Variants in SATL1 observed in about 807,000 individuals in gnomAD.
The protein encoded by SATL1 is spermidine/spermine N(1)-acetyltransferase-like protein 1.
A neutral mutation model predicts 51.8 loss-of-function variants in SATL1; 47 were observed. The observed-to-expected ratio is 0.91, with a 90% CI of 0.72 to 1.16. The LOEUF is 1.16. SATL1 is among the 50% of genes most tolerant of loss of function. The pLI is 0.00. For missense variants in SATL1, 520 were observed against 526.4 expected (o/e 0.99, Z 0.12); for synonymous variants, 176 against 182.4 (o/e 0.97, Z 0.28).
chrX:85,092,923 TCC>T (rs1924572682), intron 7 of SATL1: 1 of 326,125 alleles, frequency 3.1e-6, no homozygotes. Flanking sequence ...CTTTCTAATC[TCC>T]CTCCTTCTTA....
intron 2 of SATL1, among the ~76,000 whole-genome samples, chrX:85,124,972 T>C (rs993485256): frequency 1.8e-5 from 2 of 109,946 alleles, no homozygotes; most frequent in Non-Finnish European, 3.8e-5. Context: ...AGAAAGGTTT[T>C]TAAGGACACT....
At chrX:85,159,721 A>G (rs1422150835) in intron 2 of SATL1, among the ~76,000 whole-genome samples, 2 of 111,454 alleles carry the variant, frequency 1.8e-5, no homozygotes, top group Non-Finnish European at 3.8e-5. Context: ...ACACAACTGC[A>G]TGCAGTTGCT....
At chrX:85,199,094 C>T (rs1602906521) in intron 2 of SATL1, among the ~76,000 whole-genome samples, 4 of 110,396 alleles carry the variant, frequency 3.6e-5, no homozygotes, top group African/African-American at 1.3e-4. Flanking sequence ...CCGCCTCAGC[C>T]TCCCAAAGTG....
intron 2 of SATL1, among the ~76,000 whole-genome samples, chrX:85,139,002 C>T (rs1926038943): frequency 9.0e-6 from 1 of 111,350 alleles, no homozygotes. Context: ...TACTATTATT[C>T]CTTTCAGTAC....
At chrX:85,131,506 TC>T (rs1925800266) in intron 2 of SATL1, among the ~76,000 whole-genome samples, 1 of 110,591 alleles carries the variant, frequency 9.0e-6, no homozygotes. Context: ...GCTTGGTAGA[TC>T]TTCCTCCATC....
intron 2 of SATL1, among the ~76,000 whole-genome samples, chrX:85,213,307 A>G (rs1927967462): frequency 8.9e-6 from 1 of 112,041 alleles, no homozygotes; most frequent in Non-Finnish European, 1.9e-5. Context: ...ACATTGCTCA[A>G]GGTAATGTTG....
At chrX:85,202,479 C>G (rs959000580) in intron 2 of SATL1, among the ~76,000 whole-genome samples, 1 of 111,667 alleles carries the variant, frequency 9.0e-6, no homozygotes, top group Non-Finnish European at 1.9e-5. Flanking sequence ...GTGGGTTCCT[C>G]TCCCTCTTGA....
chrX:85,168,220 A>C (rs2147732916), intron 2 of SATL1, among the ~76,000 whole-genome samples: 1 of 111,336 alleles, frequency 9.0e-6, no homozygotes, highest in Non-Finnish European at 1.9e-5. Flanking sequence ...TTGAAAAATC[A>C]GACAAGGATG....
intron 2 of SATL1, among the ~76,000 whole-genome samples, chrX:85,213,881 T>C (rs778335402): frequency 9.0e-6 from 1 of 111,324 alleles, no homozygotes; most frequent in African/African-American, 3.3e-5. Flanking sequence ...TGAACTCATT[T>C]TGGGTCAATA....
intron 2 of SATL1, among the ~76,000 whole-genome samples, chrX:85,213,589 C>T (rs1410170413): frequency 9.0e-6 from 1 of 111,231 alleles, no homozygotes; most frequent in Non-Finnish European, 1.9e-5. Context: ...GACCGCATAG[C>T]AAAATAACAT....
chrX:85,197,409 T>C (rs1927589767), intron 2 of SATL1, among the ~76,000 whole-genome samples: 2 of 111,358 alleles, frequency 1.8e-5, no homozygotes. Flanking sequence ...TTAGTTATTT[T>C]TAAAAGTACA....
At chrX:85,144,350 G>T (rs944699680) in intron 2 of SATL1, among the ~76,000 whole-genome samples, 1 of 111,144 alleles carries the variant, frequency 9.0e-6, no homozygotes, top group South Asian at 3.8e-4. Flanking sequence ...AAAAAAATAC[G>T]CTCTACAAAG....
intron 2 of SATL1, among the ~76,000 whole-genome samples, chrX:85,137,045 G>A (rs1031112071): frequency 9.0e-6 from 1 of 111,547 alleles, no homozygotes; most frequent in Non-Finnish European, 1.9e-5. Flanking sequence ...AGAAAAGAGG[G>A]GAATAATCGA....
At chrX:85,236,123 G>A (rs1253921832) in intron 1 of SATL1, among the ~76,000 whole-genome samples, 1 of 111,264 alleles carries the variant, frequency 9.0e-6, no homozygotes, top group Non-Finnish European at 1.9e-5. Context: ...TACAACCTAC[G>A]AAGATTGAAC....
At position 85,177,283 on chromosome X, in the gene SATL1, C is replaced by T. The variant is rs73234615; in HGVS notation, c.-313+46922G>A. Among the ~76,000 whole-genome samples the T allele has an allele frequency of 2.1e-3, 235 of 111,710 alleles. 1 individual carries two copies. The highest frequency in any genetic ancestry group is 3.9e-3 in the Non-Finnish European group (204 of 52,945). On this transcript the variant is annotated intron_variant, in intron 2 of 7. Coordinates refer to ENST00000644105, the MANE Select transcript of SATL1 (RefSeq NM_001367857.2). ...CTATTTTCCTGATTTTGATAATGTA[C>T]TATGGTTACATAAGGTATGAGAACT...
intron 2 of SATL1, among the ~76,000 whole-genome samples, chrX:85,213,367 C>T (rs1927969706): frequency 8.9e-6 from 1 of 111,867 alleles, no homozygotes; most frequent in Admixed American, 9.5e-5. Context: ...TAACAAATAA[C>T]ATAGAATGCA....
intron 2 of SATL1, among the ~76,000 whole-genome samples, chrX:85,111,272 A>T (rs996232979): frequency 4.5e-5 from 5 of 111,853 alleles, no homozygotes; most frequent in Non-Finnish European, 7.5e-5. Flanking sequence ...TTTTCTTTAC[A>T]TGAGTTGAAG....
intron 4 of SATL1, among the ~76,000 whole-genome samples, chrX:85,102,090 C>T (rs867961689): frequency 1.9e-5 from 2 of 105,443 alleles, no homozygotes; most frequent in East Asian, 6.0e-4. Flanking sequence ...TATTTATTTT[C>T]TTATTATTAT....
intron 2 of SATL1, among the ~76,000 whole-genome samples, chrX:85,187,204 T>A (rs958276534): frequency 8.9e-6 from 1 of 112,275 alleles, no homozygotes; most frequent in Non-Finnish European, 1.9e-5. Context: ...TACTTTACTG[T>A]ATAATTTTAC....
Sources: gnomAD v4.1 joint callset for allele counts (sites outside exome capture counted in the v4.1 genomes callset) on GRCh38, gnomAD v4.1.1 for gene constraint, MANE v1.5 for transcripts, NCBI Gene and HGNC (gene_info 2026-07-23, HGNC 2026-07-21) for gene names.